Variants in BTRC observed in about 807,000 individuals in gnomAD.
The protein encoded by BTRC is beta-transducin repeat containing E3 ubiquitin protein ligase.
BTRC carries 42 observed loss-of-function variants against 85.5 expected under a neutral mutation model. The ratio of observed to expected loss-of-function variants is 0.49; its 90% CI spans 0.38 to 0.64. The LOEUF (loss-of-function observed/expected upper bound fraction) is 0.64. Ranked by LOEUF, BTRC falls within the 30% of genes least tolerant of loss-of-function variation. The pLI is 0.00. For synonymous variants in BTRC, 255 were observed against 263.3 expected (o/e 0.97, Z 0.30); for missense variants, 594 against 743.5 (o/e 0.80, Z 2.34).
intron 12 of BTRC, among the ~76,000 whole-genome samples, 191 bp from the exon 13 acceptor site, chr10:101,538,102 G>C (rs1437925464): frequency 2.0e-5 from 3 of 152,160 alleles, no homozygotes; most frequent in African/African-American, 7.2e-5. Flanking sequence ...TGATCCCAAA[G>C]TATGGTATAA....
At chr10:101,409,075 G>C (rs35464935) in intron 1 of BTRC, among the ~76,000 whole-genome samples, 2 of 151,896 alleles carry the variant, frequency 1.3e-5, no homozygotes, top group Non-Finnish European at 2.9e-5. Context: ...AACAAAAAAA[G>C]CCACACAAAA....
At chr10:101,389,176 G>A (rs1301732614) in intron 1 of BTRC, among the ~76,000 whole-genome samples, 1 of 110,196 alleles carries the variant, frequency 9.1e-6, no homozygotes, top group Non-Finnish European at 1.7e-5. Flanking sequence ...AATAAATGGT[G>A]CCACCATTTA....
intron 4 of BTRC, among the ~76,000 whole-genome samples, chr10:101,505,247 G>A (rs1220278087): frequency 4.2e-5 from 6 of 143,766 alleles, no homozygotes; most frequent in Admixed American, 3.4e-4. Context: ...TAAGTGATCC[G>A]CCTGCCTCAG....
Position 101,373,232 on chromosome 10 carries a change from C to T in BTRC, c.48+19004C>T, listed in dbSNP as rs116023388. Among the ~76,000 whole-genome samples the T allele has an allele frequency of 5.0e-3, 755 of 152,216 alleles. 8 individuals are homozygous for T. Among genetic ancestry groups the T allele is most frequent in the African/African-American group, 0.017 (725 of 41,522 alleles). On this transcript the variant is annotated intron_variant, in intron 1 of 14. Transcript: ENST00000370187. ...TGTAATTTACATTTGAATCTGATTCCCACTGGGAGCAATAACAACAAAGAT... is the reference window on the plus strand; with the variant it reads ...TGTAATTTACATTTGAATCTGATTCTCACTGGGAGCAATAACAACAAAGAT...
intron 1 of BTRC, among the ~76,000 whole-genome samples, chr10:101,368,110 G>A (rs1357162955): frequency 6.6e-6 from 1 of 152,172 alleles, no homozygotes; most frequent in African/African-American, 2.4e-5. Flanking sequence ...GATTATGGAG[G>A]TGCGTTCCTC....
intron 4 of BTRC, among the ~76,000 whole-genome samples, chr10:101,490,265 C>G (rs531078733): frequency 4.0e-5 from 6 of 151,764 alleles, no homozygotes; most frequent in Non-Finnish European, 8.8e-5. Context: ...CCCTTCCTTC[C>G]TTTCTTCTTC....
intron 2 of BTRC, among the ~76,000 whole-genome samples, chr10:101,451,059 A>T (rs2134138813): frequency 6.6e-6 from 1 of 152,314 alleles, no homozygotes; most frequent in African/African-American, 2.4e-5. Flanking sequence ...AGTTTTTGAA[A>T]ATGGGCAAGC....
chr10:101,437,903 A>G (rs1944573648), intron 2 of BTRC, among the ~76,000 whole-genome samples: 1 of 152,162 alleles, frequency 6.6e-6, no homozygotes, highest in Non-Finnish European at 1.5e-5. Context: ...TTGTCTACCT[A>G]ATCTTCAAGA....
chr10:101,360,200 A>G (rs1202509178), intron 1 of BTRC, among the ~76,000 whole-genome samples: 1 of 151,920 alleles, frequency 6.6e-6, no homozygotes, highest in Non-Finnish European at 1.5e-5. Flanking sequence ...GAATACAGGC[A>G]TGTGCCACCA....
intron 4 of BTRC, among the ~76,000 whole-genome samples, chr10:101,508,913 TAAA>T (rs59998718): frequency 0.089 from 9,047 of 101,944 alleles, 461 homozygotes; most frequent in African/African-American, 0.11. Context: ...GACTCCATCT[TAAA>T]AAAAAAAAAA....
intron 4 of BTRC, among the ~76,000 whole-genome samples, chr10:101,517,804 TGTCTTCAGAATATACA>T (rs2134353617): frequency 6.6e-6 from 1 of 152,342 alleles, no homozygotes; most frequent in African/African-American, 2.4e-5. Flanking sequence ...CAGTAGGATC[TGTCTTCAGAATATACA>T]CTGAATCCCA....
chr10:101,393,015 A>C (rs1943276711), intron 1 of BTRC, among the ~76,000 whole-genome samples: 1 of 151,964 alleles, frequency 6.6e-6, no homozygotes, highest in African/African-American at 2.4e-5. Context: ...CCAGGGCAGG[A>C]CTCTAATCTC....
At chr10:101,414,773 TTAAA>T (rs1589438429) in intron 1 of BTRC, 1 of 233,434 alleles carries the variant, frequency 4.3e-6, no homozygotes, top group Non-Finnish European at 8.5e-6. Flanking sequence ...ACAAAGATGT[TTAAA>T]TAATATATAT....
intron 1 of BTRC, among the ~76,000 whole-genome samples, chr10:101,388,509 A>T (rs968185628): frequency 1.3e-5 from 2 of 151,070 alleles, no homozygotes; most frequent in Non-Finnish European, 3.0e-5. Flanking sequence ...TGATTGATTG[A>T]GACAGGGTCT....
intron 1 of BTRC, among the ~76,000 whole-genome samples, chr10:101,394,346 T>C (rs1943311943): frequency 1.3e-5 from 2 of 152,232 alleles, no homozygotes; most frequent in African/African-American, 4.8e-5. Flanking sequence ...TTTTGTATCT[T>C]GGAGGTTGGG....
At chr10:101,511,400 T>C (rs1419574292) in intron 4 of BTRC, among the ~76,000 whole-genome samples, 1 of 152,292 alleles carries the variant, frequency 6.6e-6, no homozygotes, top group East Asian at 1.9e-4. Context: ...GGCTGCACTC[T>C]TTACTTCTTT....
Position 101,554,560 on chromosome 10 carries a change from G to A in BTRC, c.*1437G>A, listed in dbSNP as rs2062702005. ...AAGGGCAAAGCTGCTTAAGAGAGAG[G>A]ATCAGGGTGAAGTTTGGCACACAGG... is the stretch of plus-strand genomic sequence containing the variant. On this transcript the variant is annotated 3_prime_UTR_variant, in exon 15 of 15. Coordinates refer to ENST00000370187, the MANE Select transcript of BTRC (RefSeq NM_033637.4). 1 of 152,604 alleles carries A rather than the reference G, an allele frequency of 6.6e-6. No homozygotes were observed. Among genetic ancestry groups the A allele is most frequent in the Non-Finnish European group, 1.5e-5 (1 of 68,044 alleles). 9.5% of individuals were successfully genotyped at this position (152,604 alleles called of 1,614,324 possible). A position where few individuals can be genotyped will look rare whatever the true frequency, so the allele number is the denominator to read the frequency against.
intron 4 of BTRC, among the ~76,000 whole-genome samples, chr10:101,493,375 A>G (rs1184221867): frequency 6.6e-6 from 1 of 152,262 alleles, no homozygotes; most frequent in Non-Finnish European, 1.5e-5. Flanking sequence ...CAATAGTCTC[A>G]TTGTGTTTAC....
intron 3 of BTRC, among the ~76,000 whole-genome samples, chr10:101,477,254 G>GC (rs2134217774): frequency 1.3e-5 from 2 of 151,632 alleles, no homozygotes; most frequent in South Asian, 2.1e-4. Context: ...TCCTGCCTTC[G>GC]CCCCCCAAAG....
Sources: gnomAD v4.1 joint callset for allele counts (sites outside exome capture counted in the v4.1 genomes callset) on GRCh38, gnomAD v4.1.1 for gene constraint, MANE v1.5 for transcripts, NCBI Gene and HGNC (gene_info 2026-07-23, HGNC 2026-07-21) for gene names.